The following ATP8B1 variants were observed in gnomAD, a reference collection of about 807,000 sequenced individuals.
ATP8B1 encodes the protein ATPase phospholipid transporting 8B1, also known as phospholipid-transporting ATPase IC.
ATP8B1 carries 80 observed loss-of-function variants against 149.9 expected under a neutral mutation model. The ratio of observed to expected loss-of-function variants is 0.53; its 90% CI spans 0.45 to 0.64. The LOEUF is 0.64. ATP8B1 is among the 30% of genes least tolerant of loss of function. The pLI, the probability that ATP8B1 is intolerant of heterozygous loss-of-function variation, is 0.00. For missense variants in ATP8B1, 1,247 were observed against 1,552.6 expected (o/e 0.80, Z 3.31); for synonymous variants, 536 against 562.8 (o/e 0.95, Z 0.67).
chr18:57,647,492 T>G lies in ATP8B1; in HGVS notation c.*996A>C, dbSNP rs775044980. On this transcript the variant is annotated 3_prime_UTR_variant, in exon 28 of 28. Transcript: ENST00000648908. ...TTAGCTTTCAGATGATGAACACTGA[T>G]AAGTCATTTGTCATTACTATAAATT... is the stretch of plus-strand genomic sequence containing the variant. The G allele has an allele frequency of 1.1e-4, 16 of 152,282 alleles. No homozygotes were observed. The highest frequency in any genetic ancestry group is 1.8e-4 in the Non-Finnish European group (12 of 68,028). The allele number at this position is 152,282 out of a possible 1,614,324, so 9.4% of individuals were successfully genotyped here. A position where few individuals can be genotyped will look rare whatever the true frequency, so the allele number is the denominator to read the frequency against.
At position 57,704,552 on chromosome 18, in the gene ATP8B1, T is replaced by C. The variant is rs1485775583; in HGVS notation, c.393+3A>G. The C allele has an allele frequency of 1.3e-6, 2 of 1,553,268 alleles. No individual in the cohort carries two copies. The highest frequency in any genetic ancestry group is 1.8e-6 in the Non-Finnish European group (2 of 1,124,972). On this transcript the variant is annotated splice_donor_region_variant and intron_variant, in intron 4 of 27. Transcript: ENST00000648908. ...ACAGATTTAAGATAGCAAAGGGCATTACCTGTAAGATAAGAAGAGCCAGGA... is the reference window on the plus strand; with the variant it reads ...ACAGATTTAAGATAGCAAAGGGCATCACCTGTAAGATAAGAAGAGCCAGGA...
At chr18:57,773,090 C>G (rs1182008165) in intron 1 of ATP8B1, among the ~76,000 whole-genome samples, 2 of 151,216 alleles carry the variant, frequency 1.3e-5, no homozygotes, top group African/African-American at 4.9e-5. Context: ...GTAATTCCAG[C>G]TACTCAGGAG....
intron 1 of ATP8B1, among the ~76,000 whole-genome samples, chr18:57,790,516 G>T (rs901129405): frequency 6.6e-6 from 1 of 151,994 alleles, no homozygotes; most frequent in South Asian, 2.1e-4. Context: ...ACAATTCCTA[G>T]AGCACAGCAC....
At chr18:57,668,107 C>G (rs1398105650) in intron 19 of ATP8B1, 1 of 1,332,568 alleles carries the variant, frequency 7.5e-7, no homozygotes, top group East Asian at 4.7e-5. Context: ...TGTCAAAGCA[C>G]TGGAAGGACA....
intron 15 of ATP8B1, among the ~76,000 whole-genome samples, chr18:57,679,448 C>A (rs1911812781): frequency 6.6e-6 from 1 of 152,064 alleles, no homozygotes; most frequent in African/African-American, 2.4e-5. Context: ...TAAGAAAACT[C>A]TTTATTTATG....
intron 1 of ATP8B1, among the ~76,000 whole-genome samples, chr18:57,764,432 T>TCTTA (rs1242390998): frequency 6.6e-6 from 1 of 151,726 alleles, no homozygotes; most frequent in African/African-American, 2.4e-5. Context: ...TTTCTTTCTT[T>TCTTA]CTTTCATACC....
chr18:57,692,299 A>G (rs1247189213), intron 11 of ATP8B1, among the ~76,000 whole-genome samples: 2 of 151,888 alleles, frequency 1.3e-5, no homozygotes, highest in African/African-American at 2.4e-5. Flanking sequence ...ATTACAGGGC[A>G]TTCTCTCAAT....
At chr18:57,790,630 A>G (rs1381738039) in intron 1 of ATP8B1, among the ~76,000 whole-genome samples, 6 of 152,150 alleles carry the variant, frequency 3.9e-5, no homozygotes, top group Non-Finnish European at 7.4e-5. Context: ...CAACTTAAGT[A>G]TAACCTCCTT....
chr18:57,765,499 C>T (rs2080202659), intron 1 of ATP8B1, among the ~76,000 whole-genome samples: 1 of 151,982 alleles, frequency 6.6e-6, no homozygotes, highest in Non-Finnish European at 1.5e-5. Context: ...GAAACCGCGT[C>T]TCTACTAAAA....
rs771128582 is a variant in ATP8B1 at position 57,691,790 on chromosome 18, A to G, written c.1220+17T>C. 1 of 1,613,760 alleles carries G rather than the reference A, an allele frequency of 6.2e-7. No homozygotes were observed. The highest frequency in any genetic ancestry group is 1.1e-5 in the South Asian group (1 of 91,014). On this transcript the variant is annotated intron_variant, in intron 12 of 27. Transcript: ENST00000648908. ...CATTCTTCCATTAAAGCAAAATGCC[A>G]GAGAGGACAGCCTTACCTGACATAG...
intron 1 of ATP8B1, among the ~76,000 whole-genome samples, chr18:57,779,946 G>A (rs148417126): frequency 5.3e-5 from 8 of 151,748 alleles, no homozygotes; most frequent in African/African-American, 1.9e-4. Context: ...AATAACATAG[G>A]TAAATTAACA....
intron 15 of ATP8B1, among the ~76,000 whole-genome samples, chr18:57,677,643 G>A (rs71355643): frequency 2.0e-5 from 3 of 152,132 alleles, no homozygotes; most frequent in Admixed American, 6.5e-5. Context: ...ATGACACTTA[G>A]GGTCTCTCTG....
At chr18:57,651,891 C>G (rs976925450) in intron 26 of ATP8B1, 143 bp downstream of exon 26, 7 of 1,083,210 alleles carry the variant, frequency 6.5e-6, no homozygotes, top group Non-Finnish European at 9.6e-6. Flanking sequence ...GCCTCGGCCT[C>G]CCAAAATGCT....
chr18:57,759,717 G>A (rs2080128686), intron 1 of ATP8B1, among the ~76,000 whole-genome samples: 1 of 152,038 alleles, frequency 6.6e-6, no homozygotes. Context: ...TACTCGGGAG[G>A]CTGAGGCAGG....
intron 1 of ATP8B1, among the ~76,000 whole-genome samples, chr18:57,772,348 C>G (rs2080270564): frequency 6.6e-6 from 1 of 152,098 alleles, no homozygotes; most frequent in Non-Finnish European, 1.5e-5. Context: ...AAGTCCCAAG[C>G]TGGGCCACTA....
At chr18:57,757,478 T>G (rs1052162809) in intron 1 of ATP8B1, among the ~76,000 whole-genome samples, 1 of 152,148 alleles carries the variant, frequency 6.6e-6, no homozygotes, top group Non-Finnish European at 1.5e-5. Context: ...CCTGGTCCTT[T>G]GATGGATAGA....
Position 57,688,472 on chromosome 18 carries a change from A to T in ATP8B1, c.1256T>A (p.Ile419Asn), listed in dbSNP as rs768539693. 3 of 1,614,204 alleles carry T rather than the reference A, an allele frequency of 1.9e-6. No homozygotes were observed. Among genetic ancestry groups the T allele is most frequent in the South Asian group, 2.2e-5 (2 of 91,078 alleles). The change falls in exon 13 of 28, where the codon ATC becomes AAC. Residue 419 changes from isoleucine to asparagine, a missense_variant. Ile to Asn is a moderately radical substitution (Grantham distance 149, BLOSUM62 -3). Coordinates refer to ENST00000648908, the MANE Select transcript of ATP8B1 (RefSeq NM_001374385.1). Reference protein sequence around the residue: ...EVIRLGQSHFINWDLQMYYAE... With the variant: ...EVIRLGQSHFNNWDLQMYYAE... The stretch of plus-strand genomic sequence containing the variant: ...ATAGTACATTTGCAGGTCCCAGTTG[A>T]TGAAGTGACTCTGTCCAAGACGAAT...
chr18:57,780,235 C>T (rs2080345648), intron 1 of ATP8B1, among the ~76,000 whole-genome samples: 1 of 152,092 alleles, frequency 6.6e-6, no homozygotes, highest in Non-Finnish European at 1.5e-5. Flanking sequence ...TGAGTAAATC[C>T]TTGAAAGGAT....
intron 1 of ATP8B1, among the ~76,000 whole-genome samples, chr18:57,754,188 A>G (rs2080054407): frequency 6.6e-6 from 1 of 152,040 alleles, no homozygotes; most frequent in African/African-American, 2.4e-5. Context: ...CTGTAATCCT[A>G]GCACTTTGGG....
Sources: gnomAD v4.1 joint callset for allele counts (sites outside exome capture counted in the v4.1 genomes callset) on GRCh38, gnomAD v4.1.1 for gene constraint, MANE v1.5 for transcripts, NCBI Gene and HGNC (gene_info 2026-07-23, HGNC 2026-07-21) for gene names.